PLCB1: variants seen among roughly 807,000 people sequenced by gnomAD.
PLCB1 encodes the protein phospholipase C beta 1.
In PLCB1, 46 loss-of-function variants were observed where a neutral mutation model predicts 161.8. The observed-to-expected ratio is 0.28, with a 90% CI of 0.22 to 0.36. The LOEUF (loss-of-function observed/expected upper bound fraction) is 0.36. Ranked by LOEUF, PLCB1 falls within the 10% of genes least tolerant of loss-of-function variation. PLCB1 has a pLI of 1.00. For missense variants in PLCB1, 1,016 were observed against 1,472.5 expected (o/e 0.69, Z 5.07); for synonymous variants, 517 against 503.7 (o/e 1.03, Z -0.35).
intron 3 of PLCB1, among the ~76,000 whole-genome samples, chr20:8,496,759 C>T (rs1213302796): frequency 6.6e-6 from 1 of 152,190 alleles, no homozygotes; most frequent in Admixed American, 6.5e-5. Flanking sequence ...TAAGTCAATA[C>T]ATGAATCAAG....
At chr20:8,822,524 A>G (rs1242547218) in intron 31 of PLCB1, among the ~76,000 whole-genome samples, 2 of 152,168 alleles carry the variant, frequency 1.3e-5, no homozygotes, top group African/African-American at 4.8e-5. Context: ...ATAATTCTAT[A>G]GTGATACCTA....
chr20:8,676,555 C>A (rs1990081329), intron 9 of PLCB1, among the ~76,000 whole-genome samples: 2 of 152,218 alleles, frequency 1.3e-5, no homozygotes, highest in African/African-American at 4.8e-5. Flanking sequence ...CAGGCCTTCA[C>A]TCTATCCTGG....
At chr20:8,612,530 A>G (rs1402617038) in intron 3 of PLCB1, among the ~76,000 whole-genome samples, 1 of 152,160 alleles carries the variant, frequency 6.6e-6, no homozygotes, top group Non-Finnish European at 1.5e-5. Context: ...TCTGGTTTAC[A>G]TATTCCATAG....
At chr20:8,437,454 G>A (rs973932403) in intron 3 of PLCB1, among the ~76,000 whole-genome samples, 1 of 152,188 alleles carries the variant, frequency 6.6e-6, no homozygotes, top group African/African-American at 2.4e-5. Flanking sequence ...TGCATGAAAT[G>A]CTATTTCATT....
intron 23 of PLCB1, among the ~76,000 whole-genome samples, 199 bp from the exon 24 acceptor site, chr20:8,756,847 G>T (rs1353552636): frequency 6.6e-6 from 1 of 152,130 alleles, no homozygotes; most frequent in African/African-American, 2.4e-5. Context: ...AAAAATTGGA[G>T]ACTTTAATAC....
At chr20:8,469,882 C>T (rs1285616990) in intron 3 of PLCB1, among the ~76,000 whole-genome samples, 2 of 152,144 alleles carry the variant, frequency 1.3e-5, no homozygotes, top group African/African-American at 4.8e-5. Context: ...AATTTTAGAA[C>T]ATTTTGTTAC....
intron 2 of PLCB1, among the ~76,000 whole-genome samples, chr20:8,167,388 C>T (rs535521219): frequency 6.6e-6 from 1 of 152,234 alleles, no homozygotes; most frequent in East Asian, 1.9e-4. Flanking sequence ...TTGGACCCAG[C>T]CTGAAAGTTT....
At chr20:8,642,927 A>T (rs992815627) in intron 4 of PLCB1, among the ~76,000 whole-genome samples, 4 of 152,252 alleles carry the variant, frequency 2.6e-5, no homozygotes, top group African/African-American at 4.8e-5. Context: ...CCTACAAAAT[A>T]TTATACCAGA....
intron 2 of PLCB1, among the ~76,000 whole-genome samples, chr20:8,160,561 G>A (rs1038804156): frequency 3.3e-5 from 5 of 152,130 alleles, no homozygotes; most frequent in Admixed American, 1.3e-4. Context: ...GGGCTTCTAC[G>A]GGAAACTCCC....
chr20:8,179,277 T>C (rs1274788331), intron 2 of PLCB1, among the ~76,000 whole-genome samples: 1 of 152,206 alleles, frequency 6.6e-6, no homozygotes, highest in African/African-American at 2.4e-5. Context: ...GTGGAATATA[T>C]TTCTATTTGT....
chr20:8,874,718 A>G (rs1987718842), intron 31 of PLCB1, among the ~76,000 whole-genome samples: 2 of 152,050 alleles, frequency 1.3e-5, no homozygotes, highest in Admixed American at 6.6e-5. Flanking sequence ...TAGTTTTCAC[A>G]GGCTGGTTTT....
At chr20:8,748,235 A>G (rs1981271670) in intron 23 of PLCB1, among the ~76,000 whole-genome samples, 2 of 152,204 alleles carry the variant, frequency 1.3e-5, no homozygotes, top group Admixed American at 1.3e-4. Flanking sequence ...GGCATTCACA[A>G]TGCACTTTCA....
intron 31 of PLCB1, among the ~76,000 whole-genome samples, chr20:8,821,181 G>A (rs6039287): frequency 0.026 from 4,023 of 151,838 alleles, 168 homozygotes; most frequent in African/African-American, 0.093. Context: ...AATTTTTTTA[G>A]TTAAAAAATA....
At chr20:8,764,543 T>C (rs764911451) in intron 25 of PLCB1, among the ~76,000 whole-genome samples, 31 of 152,246 alleles carry the variant, frequency 2.0e-4, no homozygotes, top group Non-Finnish European at 4.4e-4. Flanking sequence ...ACCCGTCTCC[T>C]GGCTGGTGGT....
At chr20:8,873,874 A>G (rs1987689174) in intron 31 of PLCB1, among the ~76,000 whole-genome samples, 1 of 151,944 alleles carries the variant, frequency 6.6e-6, no homozygotes, top group South Asian at 2.1e-4. Flanking sequence ...TAGTTTTACT[A>G]TTTTCCCTGA....
At chr20:8,432,537 G>A (rs1980095213) in intron 3 of PLCB1, among the ~76,000 whole-genome samples, 1 of 152,186 alleles carries the variant, frequency 6.6e-6, no homozygotes, top group Non-Finnish European at 1.5e-5. Flanking sequence ...GTGAATCTGG[G>A]AGTGGGGGAG....
At chr20:8,587,697 A>G (rs1476931804) in intron 3 of PLCB1, among the ~76,000 whole-genome samples, 1 of 152,162 alleles carries the variant, frequency 6.6e-6, no homozygotes, top group East Asian at 1.9e-4. Context: ...GAGATTATAA[A>G]TTTTCAGGTT....
chr20:8,751,270 A>T (rs1197150727), intron 23 of PLCB1: 1 of 162,324 alleles, frequency 6.2e-6, no homozygotes, highest in Non-Finnish European at 1.3e-5. Flanking sequence ...GATGACTCAG[A>T]CAAGGAAAGC....
chr20:8,454,341 G>C (rs1981203461), intron 3 of PLCB1, among the ~76,000 whole-genome samples: 2 of 152,122 alleles, frequency 1.3e-5, no homozygotes. Context: ...TTGATGCCAA[G>C]GGAGATGGCT....
Sources: allele counts gnomAD v4.1 joint callset (sites outside exome capture counted in the v4.1 genomes callset), GRCh38; gene constraint gnomAD v4.1.1; transcripts MANE v1.5; gene names NCBI Gene and HGNC (gene_info 2026-07-23, HGNC 2026-07-21).